The following ADAT2 variants were observed in gnomAD, a reference collection of about 807,000 sequenced individuals.
ADAT2 encodes adenosine deaminase tRNA specific 2, also known as tRNA-specific adenosine-34 deaminase catalytic subunit ADAT2.
A neutral mutation model predicts 25.9 loss-of-function variants in ADAT2; 26 were observed. The observed-to-expected ratio is 1.00, with a 90% confidence interval of 0.74 to 1.39. ADAT2 has a LOEUF of 1.39. Among genes scored for constraint, ADAT2 ranks in the 40% most tolerant of loss-of-function variants. The probability of loss-of-function intolerance (pLI) is 0.00; values close to 1 mark genes in which losing one functional copy is unlikely to be tolerated. For synonymous variants in ADAT2, 76 were observed against 86.8 expected, an observed-to-expected ratio of 0.88 and a Z score of 0.69; for missense variants, 220 against 244.8, an observed-to-expected ratio of 0.90 and a Z score of 0.68.
chr6:143,437,629 A>C lies in ADAT2; in HGVS notation c.201+961T>G, dbSNP rs557223126. On this transcript the variant is annotated intron_variant, in intron 2 of 5. Transcript: ENST00000237283. This position sits in a 1 kb window ranked among gnomAD's most constrained non-coding sequence, Gnocchi z 4.1. Reference sequence around the variant, plus strand: ...CCTGTTCTATTTTATGGCTAAAAATAAATAAGTAAATAAATGATTTGTGAA... The same window carrying C: ...CCTGTTCTATTTTATGGCTAAAAATCAATAAGTAAATAAATGATTTGTGAA... 6.6e-6 allele frequency among the ~76,000 whole-genome samples: 1 copy of C among 152,342 alleles called. No individual in the cohort carries two copies. The highest frequency in any genetic ancestry group is 2.1e-4 in the South Asian group (1 of 4,832).
At chr6:143,439,346 C>CAAAAAAAAAAA (rs35250658) in intron 1 of ADAT2, among the ~76,000 whole-genome samples, 84 of 111,310 alleles carry the variant, frequency 7.5e-4, no homozygotes, top group Non-Finnish European at 1.0e-3. Flanking sequence ...TATGTGTCTA[C>CAAAAAAAAAAA]AAAAAAAAAA....
Position 143,428,835 on chromosome 6 carries a change from C to T in ADAT2, c.460-151G>A. The T allele has an allele frequency of 1.4e-6, 1 of 697,706 alleles. No homozygotes were observed. Among genetic ancestry groups the T allele is most frequent in the East Asian group, 2.7e-5 (1 of 36,506 alleles). 43.2% of individuals were successfully genotyped at this position (697,706 alleles called of 1,614,324 possible). ...TTAGTAACATGGGTAAGGAGGTACA[C>T]TTCCAAAAGATGTTTGATATATCAT... is the stretch of plus-strand genomic sequence containing the variant. On this transcript the variant is annotated intron_variant, in intron 4 of 5. Transcript: ENST00000237283. The surrounding 1 kb of genome is among the most constrained non-coding windows in gnomAD (Gnocchi z 5.0).
Position 143,444,223 on chromosome 6 carries a change from T to A in ADAT2, c.97-5529A>T, listed in dbSNP as rs1779535564. On this transcript the variant is annotated intron_variant, in intron 1 of 5. Coordinates refer to ENST00000237283, the MANE Select transcript of ADAT2 (RefSeq NM_182503.3). This position sits in a 1 kb window ranked among gnomAD's most constrained non-coding sequence, Gnocchi z 4.3. ...TTTCCTGAAATGCCTTCCACTGCTG[T>A]CCGAAACAGAGAGCAAATATGAGCG... Among the ~76,000 whole-genome samples the A allele has an allele frequency of 6.6e-6, 1 of 152,154 alleles. No homozygotes were observed. Among genetic ancestry groups the A allele is most frequent in the South Asian group, 2.1e-4 (1 of 4,822 alleles).
chr6:143,444,883 C>T lies in ADAT2; in HGVS notation c.96+5680G>A. The T allele has an allele frequency of 2.4e-6, 3 of 1,255,314 alleles. No homozygotes were observed. Among genetic ancestry groups the T allele is most frequent in the African/African-American group, 1.6e-5 (1 of 64,510 alleles). 77.8% of individuals were successfully genotyped at this position (1,255,314 alleles called of 1,614,324 possible). A position where few individuals can be genotyped will look rare whatever the true frequency, so the allele number is the denominator to read the frequency against. ...CCAAAGACATTACTACTATAAACTG[C>T]TTTCTAGTGATGTCATGATAAAAGG... On this transcript the variant is annotated intron_variant, in intron 1 of 5. Coordinates refer to ENST00000237283, the MANE Select transcript of ADAT2 (RefSeq NM_182503.3). This position sits in a 1 kb window ranked among gnomAD's most constrained non-coding sequence, Gnocchi z 4.3.
At chr6:143,435,661 C>T (rs919653780) in intron 2 of ADAT2, among the ~76,000 whole-genome samples, 5 of 152,168 alleles carry the variant, frequency 3.3e-5, no homozygotes, top group African/African-American at 9.7e-5. Context: ...AGTATCTATA[C>T]ATTCATTAAT....
Position 143,450,596 on chromosome 6 carries a change from C to A in ADAT2, c.63G>T (p.Glu21Asp). ...ASGACSVSAE[E>D]TEKWMEEAMH... ...TCGCCTCCTCCATCCACTTTTCGGTCTCCTCTGCCGACACCGAGCACGCGC... is the reference window on the plus strand; with the variant it reads ...TCGCCTCCTCCATCCACTTTTCGGTATCCTCTGCCGACACCGAGCACGCGC... The change falls in exon 1 of 6, where the codon GAG (glutamate) becomes GAT (aspartate). Residue 21 changes from glutamate to aspartate, a missense_variant. Transcript: ENST00000237283. The A allele has an allele frequency of 6.2e-7, 1 of 1,614,136 alleles. No individual in the cohort carries two copies. Among genetic ancestry groups the A allele is most frequent in the South Asian group, 1.1e-5 (1 of 91,084 alleles).
rs1419788680 is a variant in ADAT2 at position 143,428,422 on chromosome 6, CAGGTCACTTT to C, written c.*31_*40del. The C allele has an allele frequency of 6.2e-7, 1 of 1,600,768 alleles. No homozygotes were observed. Among genetic ancestry groups the C allele is most frequent in the Non-Finnish European group, 8.5e-7 (1 of 1,171,356 alleles). On this transcript the variant is annotated 3_prime_UTR_variant, in exon 6 of 6. Transcript: ENST00000237283. This position sits in a 1 kb window ranked among gnomAD's most constrained non-coding sequence, Gnocchi z 5.0. ...CAGCTTTCAGTCTATGAATCTTGTC[CAGGTCACTTT>C]GGGTCACTTGGTTCTTTCATCAGAA...
rs1194358406 is a variant in ADAT2 at position 143,427,333 on chromosome 6, G to A, written c.*1130C>T. ...AAGGAAATGAATCTACTGAAGAAAT[G>A]CAACTGAGGAGCAGCAGCCCCTCCA... On this transcript the variant is annotated 3_prime_UTR_variant, in exon 6 of 6. Coordinates refer to ENST00000237283, the MANE Select transcript of ADAT2 (RefSeq NM_182503.3). The A allele has an allele frequency of 6.6e-6, 1 of 152,596 alleles. No homozygotes were observed. Among genetic ancestry groups the A allele is most frequent in the Non-Finnish European group, 1.5e-5 (1 of 68,050 alleles). 9.5% of individuals were successfully genotyped at this position (152,596 alleles called of 1,614,324 possible).
intron 1 of ADAT2, among the ~76,000 whole-genome samples, chr6:143,443,499 C>T (rs1779519184): frequency 6.6e-6 from 1 of 152,078 alleles, no homozygotes; most frequent in Admixed American, 6.6e-5. Flanking sequence ...CCACTACACT[C>T]CAGCCTGGGT....
chr6:143,428,379 A>G lies in ADAT2; in HGVS notation c.*84T>C. The stretch of plus-strand genomic sequence containing the variant: ...CAGATTAAAAACAATATATAAACAT[A>G]TGATTCAACGATGTCAACAGCTTTC... On this transcript the variant is annotated 3_prime_UTR_variant, in exon 6 of 6. Transcript: ENST00000237283. The surrounding 1 kb of genome is among the most constrained non-coding windows in gnomAD (Gnocchi z 5.0). The G allele has an allele frequency of 6.9e-7, 1 of 1,441,804 alleles. No homozygotes were observed. Among genetic ancestry groups the G allele is most frequent in the Non-Finnish European group, 9.6e-7 (1 of 1,042,830 alleles). The allele number at this position is 1,441,804 out of a possible 1,614,324, so 89.3% of individuals were successfully genotyped here.
At chr6:143,448,118 G>A (rs1418826714) in intron 1 of ADAT2, among the ~76,000 whole-genome samples, 2 of 152,164 alleles carry the variant, frequency 1.3e-5, no homozygotes, top group African/African-American at 2.4e-5. Flanking sequence ...GGATGAAGCT[G>A]TTAACCATCA....
chr6:143,428,765 A>C lies in ADAT2; in HGVS notation c.460-81T>G. The C allele has an allele frequency of 1.6e-6, 2 of 1,264,458 alleles. No individual in the cohort carries two copies. The highest frequency in any genetic ancestry group is 2.2e-6 in the Non-Finnish European group (2 of 893,880). 78.3% of individuals were successfully genotyped at this position (1,264,458 alleles called of 1,614,324 possible). ...TCCCATAAAAACAACATATATATAC[A>C]TGATTATGTAAACAGATTTCAGATG... On this transcript the variant is annotated intron_variant, in intron 4 of 5. Coordinates refer to ENST00000237283, the MANE Select transcript of ADAT2 (RefSeq NM_182503.3). This position sits in a 1 kb window ranked among gnomAD's most constrained non-coding sequence, Gnocchi z 5.0.
At chr6:143,445,777 C>G (rs1469981761) in intron 1 of ADAT2, among the ~76,000 whole-genome samples, 1 of 152,078 alleles carries the variant, frequency 6.6e-6, no homozygotes, top group Non-Finnish European at 1.5e-5. Context: ...GCCTATGCAC[C>G]CAGCACAAGG....
chr6:143,432,391 TGTCTGATTCTATCATCGTTTCTTC>T lies in ADAT2; in HGVS notation c.459+90_459+113del. On this transcript the variant is annotated intron_variant, in intron 4 of 5. Coordinates refer to ENST00000237283, the MANE Select transcript of ADAT2 (RefSeq NM_182503.3). This position sits in a 1 kb window ranked among gnomAD's most constrained non-coding sequence, Gnocchi z 4.4. ...CCACCAGAGGCCCTGAGATCAAAGATGTCTGATTCTATCATCGTTTCTTCGTATACTGGCCACACACTAGTTATT... is the reference window on the plus strand; with the variant it reads ...CCACCAGAGGCCCTGAGATCAAAGATGTATACTGGCCACACACTAGTTATT... 1.0e-6 allele frequency: 1 copy of T among 955,500 alleles called. No individual in the cohort carries two copies. The highest frequency in any genetic ancestry group is 1.6e-5 in the African/African-American group (1 of 60,984). 59.2% of individuals were successfully genotyped at this position (955,500 alleles called of 1,614,324 possible).
At chr6:143,439,234 T>G (rs2128742056) in intron 1 of ADAT2, among the ~76,000 whole-genome samples, 1 of 150,472 alleles carries the variant, frequency 6.6e-6, no homozygotes, top group Middle Eastern at 3.4e-3. Flanking sequence ...CTATGTAAAA[T>G]GGCACAATCA....
In ADAT2 at chr6:143,423,592, TC is replaced by T. The variant is rs1404203546; in HGVS notation, c.*4870del. On this transcript the variant is annotated 3_prime_UTR_variant, in exon 6 of 6. Coordinates refer to ENST00000237283, the MANE Select transcript of ADAT2 (RefSeq NM_182503.3). ...AAAACTATCGCAGGTTTTAAAACTA[TC>T]CCAACAAGAGGAAGAGATCAGGCTC... The T allele has an allele frequency of 6.6e-6, 1 of 152,166 alleles. No homozygotes were observed. Among genetic ancestry groups the T allele is most frequent in the Non-Finnish European group, 1.5e-5 (1 of 68,030 alleles). The allele number at this position is 152,166 out of a possible 1,614,324, so 9.4% of individuals were successfully genotyped here. A position where few individuals can be genotyped will look rare whatever the true frequency, so the allele number is the denominator to read the frequency against.
At chr6:143,439,346 C>CAAAAA (rs35250658) in intron 1 of ADAT2, among the ~76,000 whole-genome samples, 21,698 of 110,252 alleles carry the variant, frequency 0.2, 1,386 homozygotes, top group Non-Finnish European at 0.26. Context: ...TATGTGTCTA[C>CAAAAA]AAAAAAAAAA....
rs796707149 is a variant in ADAT2, at chr6:143,444,444, T to C, written c.97-5750A>G. On this transcript the variant is annotated intron_variant, in intron 1 of 5. Transcript: ENST00000237283. The surrounding 1 kb of genome is among the most constrained non-coding windows in gnomAD (Gnocchi z 4.3). ...ATGTAGATTTGCTTCACTAACAAGT[T>C]CACAATAGATTTAATTAAGCTGGAA... 8.5e-5 allele frequency: 13 copies of C among 152,402 alleles called. No homozygotes were observed. The highest frequency in any genetic ancestry group is 2.9e-4 in the African/African-American group (12 of 41,554). The allele number at this position is 152,402 out of a possible 1,614,324, so 9.4% of individuals were successfully genotyped here.
intron 1 of ADAT2, among the ~76,000 whole-genome samples, chr6:143,439,978 T>C (rs1404092785): frequency 2.0e-5 from 3 of 152,158 alleles, no homozygotes; most frequent in African/African-American, 7.2e-5. Flanking sequence ...TCTTGTCCCA[T>C]GATAGCAGCT....
Sources: allele counts gnomAD v4.1 joint callset (sites outside exome capture counted in the v4.1 genomes callset), GRCh38; gene constraint gnomAD v4.1.1; non-coding constraint Gnocchi (gnomAD v3.1); transcripts MANE v1.5; gene names NCBI Gene and HGNC (gene_info 2026-07-23, HGNC 2026-07-21).